The following LRIT3 variants were observed in gnomAD, a reference collection of about 807,000 sequenced individuals.
LRIT3 encodes the protein leucine rich repeat, Ig-like and transmembrane domains 3, also known as leucine-rich repeat, immunoglobulin-like domain and transmembrane domain-containing protein 3.
A neutral mutation model predicts 22.6 loss-of-function variants in LRIT3; 14 were observed. That is an observed-to-expected ratio of 0.62 (90% CI 0.41 to 0.97). The LOEUF is 0.97. Among genes scored for constraint, LRIT3 ranks in the 50% least tolerant of loss-of-function variants. The pLI is 0.00. For synonymous variants in LRIT3, 306 were observed against 304.5 expected (o/e 1.01, Z -0.05); for missense variants, 783 against 803.0 (o/e 0.98, Z 0.30).
Position 109,870,439 on chromosome 4 carries a change from G to T in LRIT3, c.1690G>T (p.Asp564Tyr). The T allele has an allele frequency of 6.2e-7, 1 of 1,614,188 alleles. No individual in the cohort carries two copies. The highest frequency in any genetic ancestry group is 8.5e-7 in the Non-Finnish European group (1 of 1,180,024). The change falls in exon 4 of 4, where the codon GAC (aspartate) becomes TAC (tyrosine). Residue 564 changes from aspartate (D) to tyrosine (Y), a missense_variant. Asp to Tyr is a radical substitution (Grantham distance 160). Coordinates refer to ENST00000594814, the MANE Select transcript of LRIT3 (RefSeq NM_198506.5). The stretch of plus-strand genomic sequence containing the variant: ...TCCAAAAGGAGTGCCTCCCCAGAAA[G>T]ACCAATGCATCACCTTTTCTACTGA... The part of the protein sequence containing the change: ...VCPKGVPPQK[D>Y]QCITFSTERV...
intron 2 of LRIT3, among the ~76,000 whole-genome samples, chr4:109,858,536 G>T (rs180730738): frequency 1.3e-5 from 2 of 152,128 alleles, no homozygotes; most frequent in Non-Finnish European, 2.9e-5. Context: ...AAACACAAGC[G>T]TAGACTCTTC....
Position 109,870,599 on chromosome 4 carries a change from G to A in LRIT3, c.1850G>A (p.Trp617Ter), listed in dbSNP as rs750944201. ...CTGCAATGTAAATCAGAACCTTTTT[G>A]GGAAGATGATTTGGCAAAGGAGACT... ...CKLQCKSEPF[W>*]EDDLAKETYI... The change falls in exon 4 of 4, where the codon TGG (tryptophan) becomes TAG (stop). Residue 617 changes from tryptophan to a stop codon, truncating the protein, a stop_gained. Transcript: ENST00000594814. LOFTEE classifies it high-confidence loss of function. The A allele has an allele frequency of 6.2e-7, 1 of 1,613,512 alleles. No homozygotes were observed. Among genetic ancestry groups the A allele is most frequent in the Non-Finnish European group, 8.5e-7 (1 of 1,179,660 alleles).
At chr4:109,869,191 A>G (rs1322242551) in intron 3 of LRIT3, among the ~76,000 whole-genome samples, 1 of 152,228 alleles carries the variant, frequency 6.6e-6, no homozygotes, top group Non-Finnish European at 1.5e-5. Context: ...CCATGAAAAC[A>G]TATAATAAGA....
At chr4:109,848,339 T>G in intron 1 of LRIT3, 22 bp downstream of exon 1, 1 of 1,181,770 alleles carries the variant, frequency 8.5e-7, no homozygotes, top group Non-Finnish European at 1.1e-6. Flanking sequence ...TGCTTGTTAC[T>G]AAGTGTTCTC....
At position 109,852,026 on chromosome 4, in the gene LRIT3, A is replaced by G. The variant is rs73839145; in HGVS notation, c.589+50A>G. ...TTCATCTATAGTTACTTTGCTATGCATAGCTTTTTTTGTCCAGTCTTTTAA... is the reference window on the plus strand; with the variant it reads ...TTCATCTATAGTTACTTTGCTATGCGTAGCTTTTTTTGTCCAGTCTTTTAA... On this transcript the variant is annotated intron_variant, in intron 2 of 3. Transcript: ENST00000594814. The G allele has an allele frequency of 0.011, 16,512 of 1,445,966 alleles. 880 individuals carry two copies. The African/African-American group carries it at 0.15, about 13-fold the overall frequency. The allele number at this position is 1,445,966 out of a possible 1,614,324, so 89.6% of individuals were successfully genotyped here.
rs759464908 is a variant in LRIT3 at position 109,867,878 on chromosome 4, A to G, written c.827A>G (p.Asp276Gly). Residue 276 changes from aspartate (D) to glycine (G), a missense_variant, in exon 3 of 4, where the codon GAT (aspartate) becomes GGT (glycine). This residue lies in a region of LRIT3 where 756 missense variants were observed against 753.8 expected (regional missense o/e 1.00). Coordinates refer to ENST00000594814, the MANE Select transcript of LRIT3 (RefSeq NM_198506.5). ...GGCAGTAATGTTCTACTGCGGTGTGATGCCACTGGCTTCCCCACCCCACAG... is the reference window on the plus strand; with the variant it reads ...GGCAGTAATGTTCTACTGCGGTGTGGTGCCACTGGCTTCCCCACCCCACAG... ...ALGSNVLLRC[D>G]ATGFPTPQIT... 5.6e-6 allele frequency: 9 copies of G among 1,613,906 alleles called. No individual in the cohort carries two copies. The East Asian group carries it at 1.8e-4, about 32-fold the overall frequency.
intron 2 of LRIT3, among the ~76,000 whole-genome samples, chr4:109,852,211 G>A (rs1287461037): frequency 6.6e-6 from 1 of 152,156 alleles, no homozygotes; most frequent in Non-Finnish European, 1.5e-5. Flanking sequence ...AAGTGGAGAA[G>A]AACTTGCATC....
chr4:109,867,330 TATC>T (rs1262128798), intron 2 of LRIT3, among the ~76,000 whole-genome samples: 1 of 152,138 alleles, frequency 6.6e-6, no homozygotes, highest in Non-Finnish European at 1.5e-5. Context: ...GGAATAATAA[TATC>T]ATTTTCTCAT....
chr4:109,848,123 T>C lies in LRIT3; in HGVS notation c.-79T>C, dbSNP rs1219550349. 1 of 621,922 alleles carries C rather than the reference T, an allele frequency of 1.6e-6. No individual in the cohort carries two copies. Among genetic ancestry groups the C allele is most frequent in the Non-Finnish European group, 2.3e-6 (1 of 431,158 alleles). The allele number at this position is 621,922 out of a possible 1,614,324, so 38.5% of individuals were successfully genotyped here. On this transcript the variant is annotated 5_prime_UTR_variant, in exon 1 of 4. Coordinates refer to ENST00000594814, the MANE Select transcript of LRIT3 (RefSeq NM_198506.5). Reference sequence around the variant, plus strand: ...TAATCTGCTGTTACTAAATGGCTGTTTGTATTCCAGGCATACCAGGTTCTG... The same window carrying C: ...TAATCTGCTGTTACTAAATGGCTGTCTGTATTCCAGGCATACCAGGTTCTG...
rs967653317 is a variant in LRIT3 at position 109,851,569 on chromosome 4, A to G, written c.182A>G (p.Lys61Arg). 2.6e-6 allele frequency: 4 copies of G among 1,551,786 alleles called. No homozygotes were observed. The African/African-American group carries it at 5.5e-5, about 21-fold the overall frequency. Residue 61 changes from lysine to arginine, a missense_variant, in exon 2 of 4, where the codon AAG becomes AGG. This residue lies in a region of LRIT3 where 756 missense variants were observed against 753.8 expected (regional missense o/e 1.00). Transcript: ENST00000594814. ...ACGAACCTCCCCGTGGACACTGTGA[A>G]GCTTCGCATAGAGAAGACTGTCATC... ...LPTNLPVDTV[K>R]LRIEKTVIRR...
chr4:109,861,820 A>T (rs1734555916), intron 2 of LRIT3, among the ~76,000 whole-genome samples: 1 of 152,178 alleles, frequency 6.6e-6, no homozygotes, highest in South Asian at 2.1e-4. Context: ...TTCCTTTTAC[A>T]GTTAGTGCTT....
At chr4:109,862,613 C>T (rs983495643) in intron 2 of LRIT3, among the ~76,000 whole-genome samples, 3 of 152,142 alleles carry the variant, frequency 2.0e-5, no homozygotes, top group African/African-American at 7.2e-5. Context: ...AATTTCAAAG[C>T]ATGAAATAAA....
chr4:109,853,957 G>C (rs1001173448), intron 2 of LRIT3, among the ~76,000 whole-genome samples: 1 of 152,052 alleles, frequency 6.6e-6, no homozygotes, highest in Admixed American at 6.6e-5. Context: ...ATCTGTTTTG[G>C]TATCAGTACT....
intron 2 of LRIT3, 101 bp downstream of exon 2, chr4:109,852,077 C>A: frequency 9.4e-7 from 1 of 1,061,780 alleles, no homozygotes. Context: ...GCTTTTTACT[C>A]TGTAATTGCA....
Position 109,851,744 on chromosome 4 carries a change from T to C in LRIT3, c.357T>C (p.Ala119=), listed in dbSNP as rs1242572662. 5.8e-6 allele frequency: 9 copies of C among 1,551,722 alleles called. No homozygotes were observed. Among genetic ancestry groups the C allele is most frequent in the Non-Finnish European group, 7.8e-6 (9 of 1,147,006 alleles). Residue 119 remains alanine (A), a synonymous_variant, in exon 2 of 4, where the codon GCT becomes GCC. Transcript: ENST00000594814. ...GCTTGGATGGGAATTCTCTGGCTGC[T>C]TTCCCTTGGGCATCTCTGCTGGACA... The part of the protein sequence containing the change: ...ELRLDGNSLA[A]FPWASLLDMP...
chr4:109,870,879 C>A lies in LRIT3; in HGVS notation c.*90C>A. On this transcript the variant is annotated 3_prime_UTR_variant, in exon 4 of 4. Transcript: ENST00000594814. Reference sequence around the variant, plus strand: ...TTTGGATGACTTTTGGACAGACTTTCACATTGTACATGAAAATCACAAATG... The same window carrying A: ...TTTGGATGACTTTTGGACAGACTTTAACATTGTACATGAAAATCACAAATG... 7.6e-7 allele frequency: 1 copy of A among 1,308,914 alleles called. No individual in the cohort carries two copies. Among genetic ancestry groups the A allele is most frequent in the Non-Finnish European group, 1.0e-6 (1 of 965,608 alleles). The allele number at this position is 1,308,914 out of a possible 1,614,324, so 81.1% of individuals were successfully genotyped here.
chr4:109,867,734 C>A lies in LRIT3; in HGVS notation c.683C>A (p.Pro228Gln). ...VVDPAIVLLD[P>Q]LMTCSEPERL... The stretch of plus-strand genomic sequence containing the variant: ...GACCCTGCTATAGTGCTTCTGGATC[C>A]ACTGATGACTTGCAGTGAACCTGAG... Residue 228 changes from proline to glutamine, a missense_variant, in exon 3 of 4, where the codon CCA (proline) becomes CAA (glutamine). By Grantham distance (76) the Pro-to-Gln change is moderately conservative. Around this residue, in one of 2 missense-constraint regions of LRIT3, gnomAD observed 756 missense variants for 753.8 expected, o/e 1.00. Coordinates refer to ENST00000594814, the MANE Select transcript of LRIT3 (RefSeq NM_198506.5). 1 of 1,614,104 alleles carries A rather than the reference C, an allele frequency of 6.2e-7. No individual in the cohort carries two copies. Among genetic ancestry groups the A allele is most frequent in the Non-Finnish European group, 8.5e-7 (1 of 1,179,978 alleles).
Position 109,870,437 on chromosome 4 carries a change from A to G in LRIT3, c.1688A>G (p.Lys563Arg). 6.2e-7 allele frequency: 1 copy of G among 1,614,172 alleles called. No homozygotes were observed. Among genetic ancestry groups the G allele is most frequent in the Non-Finnish European group, 8.5e-7 (1 of 1,180,014 alleles). Reference protein sequence around the residue: ...CVCPKGVPPQKDQCITFSTER... With the variant: ...CVCPKGVPPQRDQCITFSTER... ...TGTCCAAAAGGAGTGCCTCCCCAGA[A>G]AGACCAATGCATCACCTTTTCTACT... The change falls in exon 4 of 4, where the codon AAA (lysine) becomes AGA (arginine). Residue 563 changes from lysine (K) to arginine (R), a missense_variant. Around this residue, in one of 2 missense-constraint regions of LRIT3, gnomAD observed 756 missense variants for 753.8 expected, o/e 1.00. Coordinates refer to ENST00000594814, the MANE Select transcript of LRIT3 (RefSeq NM_198506.5).
chr4:109,867,837 A>G lies in LRIT3; in HGVS notation c.786A>G (p.Lys262=). 1 of 1,614,146 alleles carries G rather than the reference A, an allele frequency of 6.2e-7. No homozygotes were observed. Among genetic ancestry groups the G allele is most frequent in the Non-Finnish European group, 8.5e-7 (1 of 1,180,030 alleles). The part of the protein sequence containing the change: ...LKPSVMTSAT[K]IMSALGSNVL... ...CATCAGTGATGACCTCAGCCACCAA[A>G]ATCATGTCTGCTCTGGGCAGTAATG... The change falls in exon 3 of 4, where the codon AAA becomes AAG. Residue 262 remains lysine (K), a synonymous_variant. Transcript: ENST00000594814.
Sources: allele counts gnomAD v4.1 joint callset (sites outside exome capture counted in the v4.1 genomes callset), GRCh38; gene constraint gnomAD v4.1.1; regional missense constraint gnomAD v4.1.1; transcripts MANE v1.5; gene names NCBI Gene and HGNC (gene_info 2026-07-23, HGNC 2026-07-21).